The following LRIG1 variants were observed in gnomAD, a reference collection of about 807,000 sequenced individuals.
LRIG1 encodes the protein leucine-rich repeats and immunoglobulin-like domains protein 1.
LRIG1 carries 48 observed loss-of-function variants against 99.2 expected under a neutral mutation model. The observed-to-expected ratio is 0.48, with a 90% CI of 0.38 to 0.62. LRIG1 has a LOEUF of 0.62. Ranked by LOEUF, LRIG1 falls within the 20% of genes least tolerant of loss-of-function variation. LRIG1 has a pLI of 0.00. For missense variants in LRIG1, 1,646 were observed against 1,434.4 expected, an observed-to-expected ratio of 1.15 and a Z score of -2.38; for synonymous variants, 772 against 596.1, an observed-to-expected ratio of 1.29 and a Z score of -4.30.
intron 3 of LRIG1, chr3:66,417,741 AT>A (rs1702657728): frequency 6.5e-6 from 1 of 153,126 alleles, no homozygotes; most frequent in African/African-American, 2.4e-5. Flanking sequence ...CACACCTCAC[AT>A]TTTACCAACA....
intron 1 of LRIG1, among the ~76,000 whole-genome samples, chr3:66,465,334 C>G (rs891632011): frequency 6.8e-6 from 1 of 147,418 alleles, no homozygotes; most frequent in African/African-American, 2.5e-5. Flanking sequence ...TGGCCCAATT[C>G]AAGAAGACAA....
At chr3:66,488,034 G>A (rs866642634) in intron 1 of LRIG1, among the ~76,000 whole-genome samples, 17 of 151,930 alleles carry the variant, frequency 1.1e-4, no homozygotes, top group African/African-American at 2.2e-4. Flanking sequence ...TTTTAAATCC[G>A]GAAGTTTCGT....
chr3:66,447,799 C>A (rs1328769380), intron 3 of LRIG1, among the ~76,000 whole-genome samples: 1 of 152,208 alleles, frequency 6.6e-6, no homozygotes, highest in Admixed American at 6.5e-5. Context: ...ACCGGAAAAA[C>A]AGAGATTTTT....
Position 66,412,997 on chromosome 3 carries a change from C to T in LRIG1, c.665G>A (p.Arg222Lys). ...RLTQLDLNRN[R>K]IRLIEGLTFQ... ...GGTGAGGCCCTCTATCAGCCGAATC[C>T]TGTTCCGATTGAGGTCCCTAAAGAG... Residue 222 changes from arginine to lysine, a missense_variant, in exon 6 of 19, where the codon AGG becomes AAG. Physicochemically the swap from Arg to Lys is conservative, Grantham distance 26 (BLOSUM62 2). Transcript: ENST00000273261. 6.2e-7 allele frequency: 1 copy of T among 1,614,246 alleles called. No individual in the cohort carries two copies. The highest frequency in any genetic ancestry group is 2.2e-5 in the East Asian group (1 of 44,884).
chr3:66,418,449 A>G (rs1018535115), intron 3 of LRIG1, among the ~76,000 whole-genome samples: 15 of 152,350 alleles, frequency 9.8e-5, no homozygotes, highest in Admixed American at 8.5e-4. Flanking sequence ...AGCAACAGTT[A>G]TAAGTCAAGA....
chr3:66,400,126 C>G (rs1024855105), intron 9 of LRIG1, among the ~76,000 whole-genome samples: 1 of 152,250 alleles, frequency 6.6e-6, no homozygotes, highest in African/African-American at 2.4e-5. Context: ...CCAGGCAACT[C>G]TGATCCCAGC....
At chr3:66,424,353 T>TC (rs987318511) in intron 3 of LRIG1, among the ~76,000 whole-genome samples, 16 of 151,308 alleles carry the variant, frequency 1.1e-4, no homozygotes, top group South Asian at 2.1e-4. Context: ...TCTCTAGGTC[T>TC]CCCCCCCATG....
At chr3:66,475,301 G>C (rs1270317698) in intron 1 of LRIG1, among the ~76,000 whole-genome samples, 3 of 152,218 alleles carry the variant, frequency 2.0e-5, no homozygotes, top group Non-Finnish European at 4.4e-5. Context: ...AGGTAGAAGG[G>C]TGGAGAATGA....
intron 1 of LRIG1, among the ~76,000 whole-genome samples, chr3:66,495,141 T>C (rs1422344194): frequency 2.0e-5 from 3 of 151,980 alleles, no homozygotes; most frequent in Non-Finnish European, 4.4e-5. Flanking sequence ...AGCCATGAGG[T>C]AGATAGAATG....
At chr3:66,495,821 A>T (rs1171869396) in intron 1 of LRIG1, among the ~76,000 whole-genome samples, 1 of 152,194 alleles carries the variant, frequency 6.6e-6, no homozygotes, top group Non-Finnish European at 1.5e-5. Context: ...GTCCACCCTG[A>T]AAGAGAGGAG....
At chr3:66,414,330 G>A (rs1485046747) in intron 5 of LRIG1, among the ~76,000 whole-genome samples, 1 of 152,046 alleles carries the variant, frequency 6.6e-6, no homozygotes, top group Non-Finnish European at 1.5e-5. Context: ...CCCGGGGGCG[G>A]AGCTTGCAGT....
Position 66,380,255 on chromosome 3 carries a change from G to A in LRIG1, c.*8C>T, listed in dbSNP as rs11553627. On this transcript the variant is annotated 3_prime_UTR_variant, in exon 19 of 19. Transcript: ENST00000273261. Reference sequence around the variant, plus strand: ...GATTGGTATGACAAGAACTGAGGTAGACAAAACCTAGCTTTTTGGTGCCAA... The same window carrying A: ...GATTGGTATGACAAGAACTGAGGTAAACAAAACCTAGCTTTTTGGTGCCAA... 1 of 1,607,014 alleles carries A rather than the reference G, an allele frequency of 6.2e-7. No individual in the cohort carries two copies.
intron 1 of LRIG1, among the ~76,000 whole-genome samples, chr3:66,477,803 G>A (rs1303815053): frequency 6.6e-6 from 1 of 152,104 alleles, no homozygotes; most frequent in South Asian, 2.1e-4. Flanking sequence ...GAAGAGGGGA[G>A]AGGAGGGGAG....
chr3:66,383,002 T>G lies in LRIG1; in HGVS notation c.2471A>C (p.Glu824Ala), dbSNP rs1701172984. 6.2e-7 allele frequency: 1 copy of G among 1,612,970 alleles called. No individual in the cohort carries two copies. Among genetic ancestry groups the G allele is most frequent in the African/African-American group, 1.3e-5 (1 of 74,930 alleles). The change falls in exon 15 of 19, where the codon GAG becomes GCG. Residue 824 changes from glutamate (E) to alanine (A), a missense_variant. Physicochemically the swap from Glu to Ala is moderately radical, Grantham distance 107 (BLOSUM62 -1). Transcript: ENST00000273261. Reference protein sequence around the residue: ...IIYQTRKKSEEYSVTNTDETV... With the variant: ...IIYQTRKKSEAYSVTNTDETV... ...CTGACCTGTGTTGGTGACACTGTAC[T>G]CTTCACTCTTCTTCCTGGTCTGGTA...
At chr3:66,477,844 T>C (rs1428229673) in intron 1 of LRIG1, among the ~76,000 whole-genome samples, 1 of 71,088 alleles carries the variant, frequency 1.4e-5, no homozygotes, top group African/African-American at 3.1e-5. Flanking sequence ...CCAGCAACTA[T>C]TTGAGTGATG....
intron 1 of LRIG1, among the ~76,000 whole-genome samples, chr3:66,496,719 C>G (rs1346341420): frequency 6.6e-6 from 1 of 151,948 alleles, no homozygotes; most frequent in African/African-American, 2.4e-5. Context: ...TCAGGACCAT[C>G]CATACAACAA....
rs1208711261 is a variant in LRIG1 at position 66,500,333 on chromosome 3, C to T, written c.75G>A (p.Leu25=). Residue 25 remains leucine (L), a synonymous_variant, in exon 1 of 19, where the codon TTG becomes TTA. Coordinates refer to ENST00000273261, the MANE Select transcript of LRIG1 (RefSeq NM_015541.3). Reference sequence around the variant, plus strand: ...CGGCGGTCACCGGCTCCAGCCGAAGCAAAAGCAGCCAGAGAAGGAGAAGGC... The same window carrying T: ...CGGCGGTCACCGGCTCCAGCCGAAGTAAAAGCAGCCAGAGAAGGAGAAGGC... ...SPCLLLLWLL[L]LRLEPVTAAA... The T allele has an allele frequency of 6.7e-7, 1 of 1,493,030 alleles. No individual in the cohort carries two copies. Among genetic ancestry groups the T allele is most frequent in the Non-Finnish European group, 8.9e-7 (1 of 1,127,066 alleles). The allele number at this position is 1,493,030 out of a possible 1,614,324, so 92.5% of individuals were successfully genotyped here.
At chr3:66,382,616 G>A (rs938564909) in intron 15 of LRIG1, among the ~76,000 whole-genome samples, 18 of 144,508 alleles carry the variant, frequency 1.2e-4, no homozygotes, top group African/African-American at 2.7e-4. Flanking sequence ...GATGCCAGAC[G>A]CCACAAGAAG....
intron 7 of LRIG1, among the ~76,000 whole-genome samples, chr3:66,409,095 CAA>C (rs1300102895): frequency 1.3e-5 from 2 of 151,866 alleles, no homozygotes; most frequent in Non-Finnish European, 2.9e-5. Context: ...CTGGTGAGGT[CAA>C]GAGAGAGACA....
Sources: allele counts gnomAD v4.1 joint callset (sites outside exome capture counted in the v4.1 genomes callset), GRCh38; gene constraint gnomAD v4.1.1; transcripts MANE v1.5; gene names NCBI Gene and HGNC (gene_info 2026-07-23, HGNC 2026-07-21).